The following RBL1 variants were observed in gnomAD, a reference collection of about 807,000 sequenced individuals.
The protein encoded by RBL1 is retinoblastoma-like protein 1.
A neutral mutation model predicts 123.0 loss-of-function variants in RBL1; 82 were observed. The ratio of observed to expected loss-of-function variants is 0.67; its 90% CI spans 0.56 to 0.80. RBL1 has a LOEUF of 0.80. Ranked by LOEUF, RBL1 falls within the 30% of genes least tolerant of loss-of-function variation. The pLI is 0.00. For synonymous variants in RBL1, 405 were observed against 441.3 expected (o/e 0.92, Z 1.03); for missense variants, 1,171 against 1,299.6 (o/e 0.90, Z 1.52).
At chr20:37,089,244 G>T in intron 1 of RBL1, 122 bp from the exon 2 acceptor site, 1 of 961,462 alleles carries the variant, frequency 1.0e-6, no homozygotes, top group Non-Finnish European at 1.4e-6. Flanking sequence ...AAGGGCCAGA[G>T]AAGTGAAGAT....
At chr20:37,034,731 CAGAG>C (rs889651756) in intron 15 of RBL1, among the ~76,000 whole-genome samples, 13 of 151,034 alleles carry the variant, frequency 8.6e-5, no homozygotes, top group Non-Finnish European at 1.8e-4. Flanking sequence ...TCTAAACAAA[CAGAG>C]AGGGTAGTAA....
Position 37,062,213 on chromosome 20 carries a change from C to G in RBL1, c.954G>C (p.Glu318Asp). 1 of 1,614,200 alleles carries G rather than the reference C, an allele frequency of 6.2e-7. No homozygotes were observed. Among genetic ancestry groups the G allele is most frequent in the Non-Finnish European group, 8.5e-7 (1 of 1,180,034 alleles). ...CTGCGTCTGCTCCCAAAAAGATCCTCTCATCAAAATCACCAACAGTTAGAA... is the reference window on the plus strand; with the variant it reads ...CTGCGTCTGCTCCCAAAAAGATCCTGTCATCAAAATCACCAACAGTTAGAA... ...EYVLTVGDFD[E>D]RIFLGADAEE... The change falls in exon 8 of 22, where the codon GAG becomes GAC. Residue 318 changes from glutamate to aspartate, a missense_variant. Glu to Asp is a conservative substitution (Grantham distance 45). Coordinates refer to ENST00000373664, the MANE Select transcript of RBL1 (RefSeq NM_002895.5).
chr20:37,070,589 C>T (rs1206837706), intron 2 of RBL1, among the ~76,000 whole-genome samples: 1 of 151,896 alleles, frequency 6.6e-6, no homozygotes, highest in Non-Finnish European at 1.5e-5. Context: ...TTACAAAGCA[C>T]CAGATTGTTA....
At chr20:37,002,336 GTTT>G (rs965408801) in intron 21 of RBL1, among the ~76,000 whole-genome samples, 1,033 of 76,260 alleles carry the variant, frequency 0.014, 7 homozygotes, top group African/African-American at 0.043. Flanking sequence ...AGCCTTATCT[GTTT>G]TTTTTTTTTT....
intron 13 of RBL1, among the ~76,000 whole-genome samples, chr20:37,040,698 C>G (rs1377320210): frequency 6.6e-6 from 1 of 152,136 alleles, no homozygotes; most frequent in African/African-American, 2.4e-5. Flanking sequence ...ATTTCTTTCT[C>G]ACTTCTTCAC....
Position 37,032,881 on chromosome 20 carries a change from A to T in RBL1, c.2171-5T>A. On this transcript the variant is annotated splice_region_variant and splice_polypyrimidine_tract_variant and intron_variant, in intron 15 of 21. Transcript: ENST00000373664. ...CTCCAGCATCATTTGCGACACCTGAATGTATAAGCATTATTAGAAATAATC... is the reference window on the plus strand; with the variant it reads ...CTCCAGCATCATTTGCGACACCTGATTGTATAAGCATTATTAGAAATAATC... The T allele has an allele frequency of 6.2e-7, 1 of 1,613,476 alleles. No homozygotes were observed. The highest frequency in any genetic ancestry group is 1.7e-5 in the Admixed American group (1 of 59,952).
intron 11 of RBL1, among the ~76,000 whole-genome samples, chr20:37,048,082 A>G (rs1483660308): frequency 6.6e-6 from 1 of 152,232 alleles, no homozygotes; most frequent in Non-Finnish European, 1.5e-5. Context: ...ACTAGCAGTC[A>G]TTTGTAACTG....
chr20:37,032,765 G>T lies in RBL1; in HGVS notation c.2282C>A (p.Ala761Asp). Residue 761 changes from alanine (A) to aspartate (D), a missense_variant, in exon 16 of 22, where the codon GCT (alanine) becomes GAT (aspartate). Coordinates refer to ENST00000373664, the MANE Select transcript of RBL1 (RefSeq NM_002895.5). The part of the protein sequence containing the change: ...VSLTAHSLIG[A>D]SPKQTNLTKA... ...AGTCAGATTGGTCTGTTTTGGAGAA[G>T]CACCAATTAATGAATGAGCAGTAAG... is the stretch of plus-strand genomic sequence containing the variant. The T allele has an allele frequency of 6.2e-7, 1 of 1,614,010 alleles. No individual in the cohort carries two copies. Among genetic ancestry groups the T allele is most frequent in the Non-Finnish European group, 8.5e-7 (1 of 1,179,978 alleles).
Position 37,068,804 on chromosome 20 carries a change from C to T in RBL1, c.291-618G>A, listed in dbSNP as rs1323403897. Among the ~76,000 whole-genome samples the T allele has an allele frequency of 5.3e-5, 8 of 152,204 alleles. No individual in the cohort carries two copies. The South Asian group carries it at 6.2e-4, about 12-fold the overall frequency. ...CAGCCTGAGCAACATGAAGAAACCC[C>T]GTCTCTACTACAAATACAAAATTAG... On this transcript the variant is annotated intron_variant, in intron 2 of 21. Transcript: ENST00000373664.
At chr20:37,066,219 T>C (rs573021742) in intron 6 of RBL1, among the ~76,000 whole-genome samples, 13 of 152,288 alleles carry the variant, frequency 8.5e-5, no homozygotes, top group African/African-American at 1.2e-4. Flanking sequence ...AATGTAGAAA[T>C]AGCTAAGTTA....
Position 37,076,266 on chromosome 20 carries a change from A to G in RBL1, c.291-8080T>C, listed in dbSNP as rs368088216. ...CCATATATAGAGTATATATTTTCCT[A>G]TACGCATATACCTATGATAAAGTTT... On this transcript the variant is annotated intron_variant, in intron 2 of 21. Transcript: ENST00000373664. Among the ~76,000 whole-genome samples, 117 of 152,364 alleles carry G rather than the reference A, an allele frequency of 7.7e-4. 2 individuals are homozygous for G. The Middle Eastern group carries it at 0.017, about 22-fold the overall frequency.
intron 10 of RBL1, 38 bp downstream of exon 10, chr20:37,056,108 T>C: frequency 6.3e-7 from 1 of 1,575,160 alleles, no homozygotes; most frequent in Non-Finnish European, 8.6e-7. Flanking sequence ...GGATTACTTA[T>C]TTTCAATGCT....
intron 1 of RBL1, among the ~76,000 whole-genome samples, chr20:37,090,445 C>T (rs982605350): frequency 2.0e-5 from 3 of 152,230 alleles, no homozygotes; most frequent in Non-Finnish European, 4.4e-5. Context: ...AAGTTTCTAT[C>T]GTTTTTGCTT....
At chr20:37,003,901 A>G (rs2146199110) in intron 20 of RBL1, 35 bp from the exon 21 acceptor site, 1 of 1,547,272 alleles carries the variant, frequency 6.5e-7, no homozygotes, top group Non-Finnish European at 8.7e-7. Context: ...TTTTAGATAA[A>G]AGTTTTTCTT....
At position 37,022,197 on chromosome 20, in the gene RBL1, T is replaced by C. The variant is rs148443250; in HGVS notation, c.2559+453A>G. On this transcript the variant is annotated intron_variant, in intron 17 of 21. Coordinates refer to ENST00000373664, the MANE Select transcript of RBL1 (RefSeq NM_002895.5). ...TCAAGACAAATGATTGTATCAGATA[T>C]ATGAGAATTTTAAAAAACAAGCAAG... Among the ~76,000 whole-genome samples the C allele has an allele frequency of 2.0e-3, 306 of 152,350 alleles. 2 individuals are homozygous for C. The highest frequency in any genetic ancestry group is 7.0e-3 in the African/African-American group (289 of 41,580).
chr20:37,068,707 G>T (rs1040564598), intron 2 of RBL1, among the ~76,000 whole-genome samples: 4 of 152,112 alleles, frequency 2.6e-5, no homozygotes, highest in African/African-American at 9.7e-5. Context: ...AATTTACAAA[G>T]TTAATGTTAG....
chr20:37,066,678 C>T (rs113667988), intron 6 of RBL1, 46 bp downstream of exon 6: 58 of 1,543,108 alleles, frequency 3.8e-5, no homozygotes, highest in African/African-American at 3.6e-4. Context: ...TTTCACATTA[C>T]TGGTGATCTG....
At chr20:37,045,471 AG>A (rs1313020160) in intron 12 of RBL1, among the ~76,000 whole-genome samples, 2 of 151,952 alleles carry the variant, frequency 1.3e-5, no homozygotes, top group African/African-American at 4.8e-5. Context: ...AAAACAAAGG[AG>A]GCCGACACAG....
At chr20:37,059,467 C>T (rs1276140141) in intron 9 of RBL1, among the ~76,000 whole-genome samples, 1 of 152,200 alleles carries the variant, frequency 6.6e-6, no homozygotes, top group Non-Finnish European at 1.5e-5. Context: ...TGGAAAATGG[C>T]AGCCCTTGGC....
Sources: gnomAD v4.1 joint callset for allele counts (sites outside exome capture counted in the v4.1 genomes callset) on GRCh38, gnomAD v4.1.1 for gene constraint, MANE v1.5 for transcripts, NCBI Gene and HGNC (gene_info 2026-07-23, HGNC 2026-07-21) for gene names.